The following DRD3 variants were observed in gnomAD, a reference collection of about 807,000 sequenced individuals.
The protein encoded by DRD3 is dopamine receptor D3.
DRD3 carries 19 observed loss-of-function variants against 36.3 expected under a neutral mutation model. The observed-to-expected ratio is 0.52, with a 90% CI of 0.36 to 0.77. The LOEUF (loss-of-function observed/expected upper bound fraction) is 0.77. Among genes scored for constraint, DRD3 ranks in the 30% least tolerant of loss-of-function variants. DRD3 has a pLI of 0.00. For synonymous variants in DRD3, 195 were observed against 203.7 expected (o/e 0.96, Z 0.36); for missense variants, 465 against 505.3 (o/e 0.92, Z 0.77).
chr3:114,157,043 C>CT (rs1217475557), intron 3 of DRD3, among the ~76,000 whole-genome samples: 12 of 115,532 alleles, frequency 1.0e-4, no homozygotes, highest in Non-Finnish European at 1.5e-4. Context: ...TCTTTCTCTC[C>CT]TTTTTTTTTC....
At chr3:114,197,451 A>C (rs940652556) in intron 1 of DRD3, among the ~76,000 whole-genome samples, 10 of 151,990 alleles carry the variant, frequency 6.6e-5, no homozygotes, top group African/African-American at 9.6e-5. Flanking sequence ...ATAAGTATTA[A>C]ATTTTGATAG....
intron 1 of DRD3, among the ~76,000 whole-genome samples, chr3:114,185,501 G>T (rs2077970344): frequency 6.6e-6 from 1 of 151,622 alleles, no homozygotes; most frequent in Admixed American, 6.6e-5. Flanking sequence ...TTATTCATAG[G>T]TTGTTTTCTT....
intron 2 of DRD3, among the ~76,000 whole-genome samples, chr3:114,165,959 T>C (rs2077779159): frequency 6.6e-6 from 1 of 150,742 alleles, no homozygotes; most frequent in Non-Finnish European, 1.5e-5. Context: ...GCTGGTTTGG[T>C]AGACCCGAGG....
At position 114,128,604 on chromosome 3, in the gene DRD3, T is replaced by C; in HGVS notation, c.*112A>G. On this transcript the variant is annotated 3_prime_UTR_variant, in exon 7 of 7. Coordinates refer to ENST00000383673, the MANE Select transcript of DRD3 (RefSeq NM_000796.6). The stretch of plus-strand genomic sequence containing the variant: ...ACCTGACAAGCAGGGACATCCTGGC[T>C]CCAGGAATCTTCTTCCTACTGCATG... 1 of 1,107,282 alleles carries C rather than the reference T, an allele frequency of 9.0e-7. No individual in the cohort carries two copies. The highest frequency in any genetic ancestry group is 1.2e-6 in the Non-Finnish European group (1 of 803,502). 68.6% of individuals were successfully genotyped at this position (1,107,282 alleles called of 1,614,324 possible). A position where few individuals can be genotyped will look rare whatever the true frequency, so the allele number is the denominator to read the frequency against.
chr3:114,189,421 C>T (rs1298894740), intron 1 of DRD3, among the ~76,000 whole-genome samples: 3 of 152,132 alleles, frequency 2.0e-5, no homozygotes, highest in Admixed American at 2.0e-4. Context: ...TCTTTTGAGC[C>T]TCAGTTCCCT....
intron 3 of DRD3, among the ~76,000 whole-genome samples, chr3:114,149,965 C>T (rs1279837900): frequency 6.6e-6 from 1 of 152,228 alleles, no homozygotes; most frequent in Non-Finnish European, 1.5e-5. Context: ...AACCTACCTA[C>T]ACTGTGTACA....
At chr3:114,148,668 C>T (rs1040997500) in intron 3 of DRD3, among the ~76,000 whole-genome samples, 1 of 152,076 alleles carries the variant, frequency 6.6e-6, no homozygotes, top group African/African-American at 2.4e-5. Context: ...GTACTTAGAC[C>T]TTTTGACTCT....
At chr3:114,155,925 C>T (rs1030484597) in intron 3 of DRD3, among the ~76,000 whole-genome samples, 2 of 152,138 alleles carry the variant, frequency 1.3e-5, no homozygotes, top group African/African-American at 4.8e-5. Flanking sequence ...CTCTCCCTCC[C>T]ACTTCCCCTT....
intron 4 of DRD3, among the ~76,000 whole-genome samples, chr3:114,143,788 A>T (rs1279645091): frequency 6.6e-6 from 1 of 152,206 alleles, no homozygotes; most frequent in Non-Finnish European, 1.5e-5. Flanking sequence ...AAGGAAAATC[A>T]AGCCAGCTGA....
chr3:114,138,867 C>T (rs949663533), intron 5 of DRD3, among the ~76,000 whole-genome samples: 2 of 152,124 alleles, frequency 1.3e-5, no homozygotes, highest in African/African-American at 4.8e-5. Context: ...TTCAAGTGAT[C>T]GGTATATATC....
At chr3:114,138,472 C>T (rs1341452791) in intron 5 of DRD3, among the ~76,000 whole-genome samples, 1 of 152,080 alleles carries the variant, frequency 6.6e-6, no homozygotes, top group Non-Finnish European at 1.5e-5. Context: ...GGAAACTCCC[C>T]CTCATAAAAC....
intron 2 of DRD3, among the ~76,000 whole-genome samples, chr3:114,169,976 C>T (rs2077823990): frequency 6.6e-6 from 1 of 152,206 alleles, no homozygotes; most frequent in South Asian, 2.1e-4. Context: ...GGTCCACTGC[C>T]TACATTTCTT....
Position 114,131,409 on chromosome 3 carries a change from G to T in DRD3, c.724-9C>A. 1 of 1,605,796 alleles carries T rather than the reference G, an allele frequency of 6.2e-7. No homozygotes were observed. Among genetic ancestry groups the T allele is most frequent in the South Asian group, 1.1e-5 (1 of 90,496 alleles). On this transcript the variant is annotated splice_polypyrimidine_tract_variant and intron_variant, in intron 5 of 6. Coordinates refer to ENST00000383673, the MANE Select transcript of DRD3 (RefSeq NM_000796.6). ...GGGTCAGGAGAGAGGGTCTGCAGGT[G>T]TGACAAGAGGGAATCTTGACATTTC...
In DRD3 at chr3:114,148,233, C is replaced by G. The variant is rs186300738; in HGVS notation, c.384-676G>C. Among the ~76,000 whole-genome samples the G allele has an allele frequency of 3.0e-4, 45 of 152,276 alleles. 1 individual carries two copies. Among genetic ancestry groups the G allele is most frequent in the Admixed American group, 1.8e-3 (28 of 15,296 alleles). On this transcript the variant is annotated intron_variant, in intron 3 of 6. Transcript: ENST00000383673. The stretch of plus-strand genomic sequence containing the variant: ...TGTCACACACCCTTCACTCTGAACA[C>G]TCTGGGTGCTGGTCTGTGTGCCTTT...
At chr3:114,197,339 T>A (rs2078043319) in intron 1 of DRD3, among the ~76,000 whole-genome samples, 1 of 147,826 alleles carries the variant, frequency 6.8e-6, no homozygotes, top group Admixed American at 6.9e-5. Context: ...CAGGCTGGTC[T>A]TGAACTCCTG....
chr3:114,180,714 T>C (rs2077942529), upstream of DRD3, among the ~76,000 whole-genome samples: 1 of 152,208 alleles, frequency 6.6e-6, no homozygotes, highest in Non-Finnish European at 1.5e-5. Context: ...CCATAACTTA[T>C]TGGGCATAAA....
intron 2 of DRD3, among the ~76,000 whole-genome samples, chr3:114,168,149 A>G (rs1156875638): frequency 6.6e-6 from 1 of 152,244 alleles, no homozygotes; most frequent in African/African-American, 2.4e-5. Context: ...AAGTGTCTTA[A>G]GTGAGATATT....
intron 4 of DRD3, among the ~76,000 whole-genome samples, chr3:114,145,944 G>A (rs1479576649): frequency 6.6e-6 from 1 of 152,126 alleles, no homozygotes; most frequent in African/African-American, 2.4e-5. Context: ...ATTCACTCAA[G>A]TGTATGCTCC....
chr3:114,195,376 C>A (rs1006146646), intron 1 of DRD3, among the ~76,000 whole-genome samples: 1 of 152,136 alleles, frequency 6.6e-6, no homozygotes, highest in East Asian at 1.9e-4. Flanking sequence ...TGTACTGATT[C>A]ACTATGCATA....
Sources: gnomAD v4.1 joint callset for allele counts (sites outside exome capture counted in the v4.1 genomes callset) on GRCh38, gnomAD v4.1.1 for gene constraint, MANE v1.5 for transcripts, NCBI Gene and HGNC (gene_info 2026-07-23, HGNC 2026-07-21) for gene names.